Variants in NQO1 observed in about 807,000 individuals in gnomAD.
The protein encoded by NQO1 is NAD(P)H dehydrogenase [quinone] 1.
NQO1 carries 30 observed loss-of-function variants against 32.1 expected under a neutral mutation model. The observed-to-expected ratio is 0.94, with a 90% CI of 0.70 to 1.27. The LOEUF (loss-of-function observed/expected upper bound fraction) is 1.27, where lower values mean the gene tolerates loss of function less well. NQO1 is among the 50% of genes most tolerant of loss of function. The pLI is 0.00. For synonymous variants in NQO1, 109 were observed against 119.7 expected (o/e 0.91, Z 0.59); for missense variants, 276 against 331.3 (o/e 0.83, Z 1.30).
chr16:69,726,040 A>G (rs1597606908), intron 1 of NQO1, among the ~76,000 whole-genome samples: 1 of 152,196 alleles, frequency 6.6e-6, no homozygotes, highest in East Asian at 1.9e-4. Context: ...TTTAAGTGAA[A>G]TCACCCATTT....
At chr16:69,715,122 A>G in intron 3 of NQO1, 45 bp from the exon 4 acceptor site, 1 of 1,485,338 alleles carries the variant, frequency 6.7e-7, no homozygotes, top group East Asian at 2.3e-5. Flanking sequence ...GGGGCTCCCC[A>G]AGCCCAGAAG....
chr16:69,726,466 T>C lies in NQO1; in HGVS notation c.-27A>G. 2 of 1,606,660 alleles carry C rather than the reference T, an allele frequency of 1.2e-6. No individual in the cohort carries two copies. The highest frequency in any genetic ancestry group is 1.7e-6 in the Non-Finnish European group (2 of 1,178,114). On this transcript the variant is annotated 5_prime_UTR_variant, in exon 1 of 6. Coordinates refer to ENST00000320623, the MANE Select transcript of NQO1 (RefSeq NM_000903.3). The stretch of plus-strand genomic sequence containing the variant: ...GCTCTGGTGCAGTCCGGGGCGCTGA[T>C]TGGCTGGGCTCGTGGTTGCCGGGGC...
intron 3 of NQO1, among the ~76,000 whole-genome samples, chr16:69,715,587 G>T (rs1248633190): frequency 6.6e-6 from 1 of 152,060 alleles, no homozygotes; most frequent in Non-Finnish European, 1.5e-5. Context: ...GGCCAACATG[G>T]TGAAACCTCA....
intron 1 of NQO1, among the ~76,000 whole-genome samples, chr16:69,722,997 G>A (rs1257979489): frequency 2.0e-5 from 3 of 152,070 alleles, no homozygotes; most frequent in African/African-American, 7.2e-5. Flanking sequence ...GCGCGATCTC[G>A]GCTCACTGCA....
intron 1 of NQO1, among the ~76,000 whole-genome samples, chr16:69,723,525 C>T (rs1332349949): frequency 4.6e-5 from 7 of 151,986 alleles, no homozygotes; most frequent in Admixed American, 2.6e-4. Context: ...GGGTGGGTCG[C>T]GGTGGCTCAC....
Position 69,718,437 on chromosome 16 carries a change from C to T in NQO1, c.105G>A (p.Trp35Ter). The T allele has an allele frequency of 6.2e-7, 1 of 1,614,108 alleles. No individual in the cohort carries two copies. The highest frequency in any genetic ancestry group is 8.5e-7 in the Non-Finnish European group (1 of 1,180,008). Residue 35 changes from tryptophan to a stop codon, truncating the protein, a stop_gained, in exon 2 of 6, where the codon TGG becomes TGA. Coordinates refer to ENST00000320623, the MANE Select transcript of NQO1 (RefSeq NM_000903.3). LOFTEE classifies it high-confidence loss of function. ...AAAAALKKKG[W>*]EVVESDLYAM... is the part of the protein sequence containing the mutation. ...CATAGAGGTCCGACTCCACCACCTC[C>T]CATCCTTTCTTCTTCAAAGCCGCTG...
At position 69,714,999 on chromosome 16, in the gene NQO1, T is replaced by TG; in HGVS notation, c.381dup (p.Thr128HisfsTer7). 1 of 1,613,686 alleles carries TG rather than the reference T, an allele frequency of 6.2e-7. No homozygotes were observed. The highest frequency in any genetic ancestry group is 8.5e-7 in the Non-Finnish European group (1 of 1,179,848). ...CCTTTGTCATACATGGCAGCGTAAG[T>TG]GTAAGCAAACTCTCCTATGAACACT... On this transcript the variant is annotated frameshift_variant, in exon 4 of 6. Coordinates refer to ENST00000320623, the MANE Select transcript of NQO1 (RefSeq NM_000903.3). LOFTEE classifies it high-confidence loss of function.
At chr16:69,722,254 C>T (rs2038202307) in intron 1 of NQO1, among the ~76,000 whole-genome samples, 2 of 152,116 alleles carry the variant, frequency 1.3e-5, no homozygotes, top group African/African-American at 4.8e-5. Flanking sequence ...ACTTCTGCCT[C>T]CCGGGTTCAA....
intron 5 of NQO1, 83 bp from the exon 6 acceptor site, chr16:69,711,364 C>T: frequency 1.7e-6 from 2 of 1,162,734 alleles, no homozygotes; most frequent in Non-Finnish European, 1.2e-6. Flanking sequence ...GTCTGGGCTT[C>T]TCAGTAAGAC....
chr16:69,709,989 G>A lies in NQO1; in HGVS notation c.*987C>T. 5.1e-6 allele frequency: 2 copies of A among 388,796 alleles called. No homozygotes were observed. The highest frequency in any genetic ancestry group is 7.3e-5 in the East Asian group (2 of 27,456). 24.1% of individuals were successfully genotyped at this position (388,796 alleles called of 1,614,324 possible). On this transcript the variant is annotated 3_prime_UTR_variant, in exon 6 of 6. Transcript: ENST00000320623. ...CTATTTCCTTTCTTGAATTCATATT[G>A]CAGATGTACGGTGTGGATTTATTGG... is the stretch of plus-strand genomic sequence containing the variant.
chr16:69,717,489 T>TTCGCTAACTGAAGGAA lies in NQO1; in HGVS notation c.303+618_303+633dup, dbSNP rs71151125. Among the ~76,000 whole-genome samples the TTCGCTAACTGAAGGAA allele has an allele frequency of 1.7e-3, 257 of 151,296 alleles. 1 individual carries two copies. The highest frequency in any genetic ancestry group is 0.01 in the Middle Eastern group (3 of 294). ...CCAACAGGAATCGCTAACCGCAGGA[T>TTCGCTAACTGAAGGAA]TCGCTAACTGAAGGAATCGCTAACT... On this transcript the variant is annotated intron_variant, in intron 3 of 5. Coordinates refer to ENST00000320623, the MANE Select transcript of NQO1 (RefSeq NM_000903.3).
chr16:69,714,070 G>C lies in NQO1; in HGVS notation c.417+894C>G, dbSNP rs527735234. Among the ~76,000 whole-genome samples, 456 of 152,066 alleles carry C rather than the reference G, an allele frequency of 3.0e-3. 1 individual carries two copies. The highest frequency in any genetic ancestry group is 4.5e-3 in the Non-Finnish European group (309 of 67,994). On this transcript the variant is annotated intron_variant, in intron 4 of 5. Coordinates refer to ENST00000320623, the MANE Select transcript of NQO1 (RefSeq NM_000903.3). Reference sequence around the variant, plus strand: ...TTTTTTGTATTTTTAGTAGAGACGGGGTTTCGCCGTGTTAGGCAGGATAGT... The same window carrying C: ...TTTTTTGTATTTTTAGTAGAGACGGCGTTTCGCCGTGTTAGGCAGGATAGT...
chr16:69,717,559 G>C (rs2038130807), intron 3 of NQO1, among the ~76,000 whole-genome samples: 1 of 151,820 alleles, frequency 6.6e-6, no homozygotes, highest in African/African-American at 2.4e-5. Context: ...CTGGAAGAAA[G>C]CAAGCTCAAG....
At chr16:69,720,966 G>A (rs1277059900) in intron 1 of NQO1, among the ~76,000 whole-genome samples, 2 of 151,680 alleles carry the variant, frequency 1.3e-5, no homozygotes, top group Non-Finnish European at 2.9e-5. Context: ...CTGCAGCCTT[G>A]ACCTCTCAGG....
chr16:69,726,434 G>A lies in NQO1; in HGVS notation c.6C>T (p.Val2=), dbSNP rs757207876. 13 of 1,611,704 alleles carry A rather than the reference G, an allele frequency of 8.1e-6. No homozygotes were observed. The highest frequency in any genetic ancestry group is 1.1e-5 in the Non-Finnish European group (13 of 1,179,472). The change falls in exon 1 of 6, where the codon GTC becomes GTT. Residue 2 remains valine (V), a splice_region_variant and synonymous_variant. Coordinates refer to ENST00000320623, the MANE Select transcript of NQO1 (RefSeq NM_000903.3). M[V]GRRALIVLAH... ...CACCCCGCCCTTTGCAGCACTCACC[G>A]ACCATGGCTCTGGTGCAGTCCGGGG...
In NQO1 at chr16:69,715,020, ACACT is replaced by A. The variant is rs200863930; in HGVS notation, c.357_360del (p.Val120SerfsTer2). On this transcript the variant is annotated frameshift_variant, in exon 4 of 6. Coordinates refer to ENST00000320623, the MANE Select transcript of NQO1 (RefSeq NM_000903.3). LOFTEE classifies it high-confidence loss of function. ...TAAGTGTAAGCAAACTCTCCTATGAACACTCGCTCAAACCAGCCTTTCAGAATGG... is the reference window on the plus strand; with the variant it reads ...TAAGTGTAAGCAAACTCTCCTATGAACGCTCAAACCAGCCTTTCAGAATGG... 4,090 of 1,613,784 alleles carry A rather than the reference ACACT, an allele frequency of 2.5e-3. 63 individuals carry two copies. In the African/African-American group the frequency reaches 0.038, roughly 15 times the overall value.
chr16:69,725,563 C>A (rs2151748424), intron 1 of NQO1, among the ~76,000 whole-genome samples: 1 of 152,234 alleles, frequency 6.6e-6, no homozygotes, highest in Non-Finnish European at 1.5e-5. Context: ...TTTGCCTAAT[C>A]CAAGGGCCTC....
Position 69,711,298 on chromosome 16 carries a change from C to T in NQO1, c.520-17G>A. On this transcript the variant is annotated splice_polypyrimidine_tract_variant and intron_variant, in intron 5 of 5. Coordinates refer to ENST00000320623, the MANE Select transcript of NQO1 (RefSeq NM_000903.3). ...AATGCCACTCTGAGGATACAGAAAG[C>T]ACAGAGAGGTAAGTCAACCAATTCC... 6.3e-7 allele frequency: 1 copy of T among 1,595,394 alleles called. No individual in the cohort carries two copies. Among genetic ancestry groups the T allele is most frequent in the East Asian group, 2.2e-5 (1 of 44,552 alleles).
rs189895531 is a variant in NQO1 at position 69,714,965 on chromosome 16, C to A, written c.416G>T (p.Arg139Leu). 32 of 1,609,830 alleles carry A rather than the reference C, an allele frequency of 2.0e-5. No homozygotes were observed. The African/African-American group carries it at 4.0e-4, about 20-fold the overall frequency. ...GAGCATTCAGAACCATCCACCTACC[C>A]GGAAGGGTCCTTTGTCATACATGGC... ...YAAMYDKGPF[R>L]SKKAVLSITT... The change falls in exon 4 of 6, where the codon CGG becomes CTG. Residue 139 changes from arginine to leucine, a missense_variant and splice_region_variant. Arg to Leu is a moderately radical substitution (Grantham distance 102). Coordinates refer to ENST00000320623, the MANE Select transcript of NQO1 (RefSeq NM_000903.3).
Sources: allele counts gnomAD v4.1 joint callset (sites outside exome capture counted in the v4.1 genomes callset), GRCh38; gene constraint gnomAD v4.1.1; transcripts MANE v1.5; gene names NCBI Gene and HGNC (gene_info 2026-07-23, HGNC 2026-07-21).